GRIK1: variants seen among roughly 807,000 people sequenced by gnomAD.
GRIK1 encodes glutamate ionotropic receptor kainate type subunit 1.
GRIK1 carries 69 observed loss-of-function variants against 105.7 expected under a neutral mutation model. That is an observed-to-expected ratio of 0.65 (90% CI 0.54 to 0.80). The LOEUF (loss-of-function observed/expected upper bound fraction) is 0.80. GRIK1 is among the 30% of genes least tolerant of loss of function. GRIK1 has a pLI of 0.00. For missense variants in GRIK1, 1,109 were observed against 1,167.3 expected (o/e 0.95, Z 0.73); for synonymous variants, 438 against 431.3 (o/e 1.02, Z -0.19).
At chr21:29,734,379 TTC>T (rs1445440245) in intron 1 of GRIK1, among the ~76,000 whole-genome samples, 33 of 59,996 alleles carry the variant, frequency 5.5e-4, no homozygotes, top group African/African-American at 1.3e-3. Flanking sequence ...TTCTTTTCTT[TTC>T]TTTTCTTTTC....
chr21:29,577,376 T>A (rs1410875191), intron 13 of GRIK1, among the ~76,000 whole-genome samples, 195 bp from the exon 14 acceptor site: 1 of 152,244 alleles, frequency 6.6e-6, no homozygotes, highest in Non-Finnish European at 1.5e-5. Context: ...CTACTATTGC[T>A]TTAACTATAA....
chr21:29,726,582 A>C (rs1434494015), intron 1 of GRIK1, among the ~76,000 whole-genome samples: 2 of 152,110 alleles, frequency 1.3e-5, no homozygotes, highest in Non-Finnish European at 2.9e-5. Flanking sequence ...ATATTTTCAA[A>C]ACATTGTTAA....
At chr21:29,850,532 C>T (rs143628315) in intron 1 of GRIK1, among the ~76,000 whole-genome samples, 53 of 152,252 alleles carry the variant, frequency 3.5e-4, no homozygotes, top group Admixed American at 1.4e-3. Context: ...ACCACCACAA[C>T]AATGAACAAA....
chr21:29,713,452 T>C (rs1429927421), intron 1 of GRIK1, among the ~76,000 whole-genome samples: 1 of 152,212 alleles, frequency 6.6e-6, no homozygotes, highest in African/African-American at 2.4e-5. Context: ...TATTGCCTAA[T>C]ATTATTATTT....
At chr21:29,840,335 A>T (rs925703287) in intron 1 of GRIK1, among the ~76,000 whole-genome samples, 5 of 152,236 alleles carry the variant, frequency 3.3e-5, no homozygotes, top group African/African-American at 4.8e-5. Context: ...TGTCTTGCAG[A>T]TTATTCTAAA....
chr21:29,821,144 T>G (rs2067295366), intron 1 of GRIK1, among the ~76,000 whole-genome samples: 1 of 151,976 alleles, frequency 6.6e-6, no homozygotes, highest in Admixed American at 6.6e-5. Flanking sequence ...GCCTTGCCCA[T>G]AATATAAATG....
Position 29,537,092 on chromosome 21 carries a change from T to C in GRIK1, c.*138A>G, listed in dbSNP as rs2089890825. On this transcript the variant is annotated 3_prime_UTR_variant, in exon 18 of 18. Coordinates refer to ENST00000327783, the MANE Select transcript of GRIK1 (RefSeq NM_001330994.2). ...TATCTATGTGAGCTTTTTAAACTTT[T>C]GTATTTCTTATATCTGTATTCATAA... is the stretch of plus-strand genomic sequence containing the variant. The C allele has an allele frequency of 4.3e-6, 2 of 465,988 alleles. No individual in the cohort carries two copies. The highest frequency in any genetic ancestry group is 4.4e-5 in the Admixed American group (1 of 22,916). 28.9% of individuals were successfully genotyped at this position (465,988 alleles called of 1,614,324 possible). A position where few individuals can be genotyped will look rare whatever the true frequency, so the allele number is the denominator to read the frequency against.
intron 9 of GRIK1, chr21:29,596,251 C>A (rs570683872): frequency 4.2e-5 from 23 of 550,200 alleles, no homozygotes; most frequent in African/African-American, 4.1e-4. Context: ...TCAATCCTAA[C>A]AAGGACTGAT....
intron 1 of GRIK1, among the ~76,000 whole-genome samples, chr21:29,880,434 C>A (rs1408703754): frequency 1.3e-5 from 2 of 152,054 alleles, no homozygotes; most frequent in African/African-American, 4.8e-5. Context: ...TTACATTCAT[C>A]CTCTCTCTTC....
intron 1 of GRIK1, among the ~76,000 whole-genome samples, chr21:29,909,837 A>G (rs906182777): frequency 6.6e-6 from 1 of 152,168 alleles, no homozygotes; most frequent in Non-Finnish European, 1.5e-5. Flanking sequence ...GCTATCATTT[A>G]AAAATCTTTA....
intron 1 of GRIK1, among the ~76,000 whole-genome samples, chr21:29,777,318 G>C (rs949515665): frequency 6.6e-6 from 1 of 152,180 alleles, no homozygotes; most frequent in Non-Finnish European, 1.5e-5. Flanking sequence ...ATGGGTTAGG[G>C]ATAGGGCTCT....
At chr21:29,764,192 C>G (rs1373840886) in intron 1 of GRIK1, among the ~76,000 whole-genome samples, 1 of 152,136 alleles carries the variant, frequency 6.6e-6, no homozygotes, top group Non-Finnish European at 1.5e-5. Flanking sequence ...GACACTTGGA[C>G]TCCTATTTTT....
intron 1 of GRIK1, among the ~76,000 whole-genome samples, chr21:29,902,855 G>A (rs570667887): frequency 3.4e-4 from 51 of 152,230 alleles, no homozygotes; most frequent in African/African-American, 1.2e-3. Context: ...CAAAGCTGGA[G>A]GCATCACACT....
chr21:29,578,785 G>C (rs557051087), intron 13 of GRIK1, among the ~76,000 whole-genome samples: 3 of 152,076 alleles, frequency 2.0e-5, no homozygotes, highest in Middle Eastern at 3.4e-3. Context: ...TAATGCCCAA[G>C]GTTGTTTCAT....
At chr21:29,880,336 A>C (rs1158926260) in intron 1 of GRIK1, among the ~76,000 whole-genome samples, 1 of 152,158 alleles carries the variant, frequency 6.6e-6, no homozygotes, top group Non-Finnish European at 1.5e-5. Flanking sequence ...TTTTTCTGCC[A>C]AGGAAATGTT....
At chr21:29,915,451 A>T (rs1165129587) in intron 1 of GRIK1, among the ~76,000 whole-genome samples, 1 of 152,050 alleles carries the variant, frequency 6.6e-6, no homozygotes, top group Admixed American at 6.6e-5. Flanking sequence ...CCTATCATGT[A>T]ATAGGCACAA....
At chr21:29,657,924 T>TA (rs914535252) in intron 4 of GRIK1, 1 of 152,226 alleles carries the variant, frequency 6.6e-6, no homozygotes, top group African/African-American at 2.4e-5. Flanking sequence ...GTTTTAAAAA[T>TA]AAAAAGTGTA....
chr21:29,915,201 C>T (rs1175116956), intron 1 of GRIK1, among the ~76,000 whole-genome samples: 1 of 151,928 alleles, frequency 6.6e-6, no homozygotes, highest in Non-Finnish European at 1.5e-5. Context: ...CACACACACA[C>T]ACAAACACAC....
chr21:29,845,576 T>C (rs1601837011), intron 1 of GRIK1, among the ~76,000 whole-genome samples: 1 of 152,220 alleles, frequency 6.6e-6, no homozygotes, highest in East Asian at 1.9e-4. Flanking sequence ...GCCTTTATCA[T>C]TGACATCATC....
Sources: allele counts gnomAD v4.1 joint callset (sites outside exome capture counted in the v4.1 genomes callset), GRCh38; gene constraint gnomAD v4.1.1; transcripts MANE v1.5; gene names NCBI Gene and HGNC (gene_info 2026-07-23, HGNC 2026-07-21).